SPATA13: variants seen among roughly 807,000 people sequenced by gnomAD.
SPATA13 encodes the protein spermatogenesis-associated protein 13.
Under a neutral mutation model 104.0 loss-of-function variants are expected in SPATA13, and 50 were observed. That is an observed-to-expected ratio of 0.48 (90% CI 0.38 to 0.61). The LOEUF (loss-of-function observed/expected upper bound fraction) is 0.61. Ranked by LOEUF, SPATA13 falls within the 20% of genes least tolerant of loss-of-function variation. The probability of loss-of-function intolerance (pLI) is 0.00; values close to 1 mark genes in which losing one functional copy is unlikely to be tolerated. For missense variants in SPATA13, 1,524 were observed against 1,690.6 expected (o/e 0.90, Z 1.73); for synonymous variants, 606 against 667.5 (o/e 0.91, Z 1.42).
Position 24,161,971 on chromosome 13 carries a change from C to A in SPATA13, c.-112+1039C>A, listed in dbSNP as rs888446282. ...TGCTAACAGGCGGAGAAATCTCACT[C>A]CTTTTCTTTTTCCACCTTTCCCAAC... On this transcript the variant is annotated intron_variant, in intron 1 of 12. Coordinates refer to ENST00000382108, the MANE Select transcript of SPATA13 (RefSeq NM_001166271.3). This position sits in a 1 kb window ranked among gnomAD's most constrained non-coding sequence, Gnocchi z 4.5. Among the ~76,000 whole-genome samples the A allele has an allele frequency of 6.6e-6, 1 of 152,056 alleles. No homozygotes were observed. Among genetic ancestry groups the A allele is most frequent in the African/African-American group, 2.4e-5 (1 of 41,392 alleles).
intron 3 of SPATA13, among the ~76,000 whole-genome samples, chr13:24,052,056 ACGCAGGGTT>A (rs1251269555): frequency 5.8e-4 from 23 of 39,424 alleles, no homozygotes; most frequent in Admixed American, 2.2e-3. Flanking sequence ...CTGTGTTTGG[ACGCAGGGTT>A]TGGCTTCTTA....
At chr13:24,293,449 G>A (rs1876544553) in intron 9 of SPATA13, among the ~76,000 whole-genome samples, 2 of 152,008 alleles carry the variant, frequency 1.3e-5, no homozygotes, top group African/African-American at 4.8e-5. Context: ...GGGAAAGCTG[G>A]GTCCAGAAGT....
intron 3 of SPATA13, among the ~76,000 whole-genome samples, chr13:24,107,682 A>G (rs952537511): frequency 3.9e-5 from 6 of 152,164 alleles, no homozygotes; most frequent in African/African-American, 1.4e-4. Context: ...TCTTCCCTGC[A>G]TTTTCAGTTT....
chr13:24,119,065 C>G (rs2137822211), intron 3 of SPATA13, among the ~76,000 whole-genome samples: 1 of 152,150 alleles, frequency 6.6e-6, no homozygotes, highest in South Asian at 2.1e-4. Flanking sequence ...GCCACCGCTC[C>G]CTGCTAATTT....
chr13:24,056,299 C>T (rs1482733470), intron 3 of SPATA13, among the ~76,000 whole-genome samples: 1 of 152,220 alleles, frequency 6.6e-6, no homozygotes, highest in Non-Finnish European at 1.5e-5. Flanking sequence ...CATTAGGACC[C>T]ATTTAGAGAT....
rs755957835 is a variant in SPATA13, at chr13:24,258,187, A to G, written c.2164+6325A>G. Among the ~76,000 whole-genome samples, 41 of 151,570 alleles carry G rather than the reference A, an allele frequency of 2.7e-4. 2 individuals are homozygous for G. Among genetic ancestry groups the G allele is most frequent in the African/African-American group, 8.0e-4 (33 of 41,156 alleles). On this transcript the variant is annotated intron_variant, in intron 4 of 12. Coordinates refer to ENST00000382108, the MANE Select transcript of SPATA13 (RefSeq NM_001166271.3). ...AAGATAGAGGTTGCAGTGAGCCTAC[A>G]TTGCGCCATGGCACTCCAGCCTGGG...
intron 3 of SPATA13, among the ~76,000 whole-genome samples, chr13:24,075,046 C>T (rs1249336542): frequency 6.6e-6 from 1 of 152,160 alleles, no homozygotes; most frequent in African/African-American, 2.4e-5. Context: ...ACCCTTAGGC[C>T]AAGGTTAGAA....
chr13:24,164,971 G>A (rs1426763519), intron 1 of SPATA13, among the ~76,000 whole-genome samples: 3 of 152,164 alleles, frequency 2.0e-5, no homozygotes, highest in African/African-American at 7.2e-5. Flanking sequence ...GGGAGCTGTG[G>A]CAACACCGCA....
chr13:24,168,355 G>A (rs1322449701), intron 1 of SPATA13, among the ~76,000 whole-genome samples: 1 of 152,232 alleles, frequency 6.6e-6, no homozygotes, highest in Non-Finnish European at 1.5e-5. Flanking sequence ...TTCATGTCTC[G>A]AGTTTATGAT....
At chr13:23,998,192 G>T (rs1353344173) in intron 2 of SPATA13, among the ~76,000 whole-genome samples, 1 of 152,200 alleles carries the variant, frequency 6.6e-6, no homozygotes, top group Non-Finnish European at 1.5e-5. Context: ...AGCAGTGAAT[G>T]TTCCCACCCT....
At chr13:24,213,181 C>T (rs1871116021) in intron 1 of SPATA13, among the ~76,000 whole-genome samples, 3 of 152,196 alleles carry the variant, frequency 2.0e-5, no homozygotes, top group African/African-American at 7.2e-5. Context: ...GTGATGAGAG[C>T]AGCTCAGAGA....
chr13:24,223,742 C>T lies in SPATA13; in HGVS notation c.813C>T (p.Thr271=), dbSNP rs1871750280. The part of the protein sequence containing the change: ...LKKSSFKRKS[T]SNLADLRTAH... ...AGAGCTCCTTTAAGCGGAAGTCCACCTCCAATCTTGCAGACCTCAGGACGG... is the reference window on the plus strand; with the variant it reads ...AGAGCTCCTTTAAGCGGAAGTCCACTTCCAATCTTGCAGACCTCAGGACGG... Residue 271 remains threonine (T), a synonymous_variant, in exon 2 of 13, where the codon ACC becomes ACT. Coordinates refer to ENST00000382108, the MANE Select transcript of SPATA13 (RefSeq NM_001166271.3). The T allele has an allele frequency of 1.9e-6, 3 of 1,551,992 alleles. No individual in the cohort carries two copies. Among genetic ancestry groups the T allele is most frequent in the African/African-American group, 1.4e-5 (1 of 73,186 alleles).
intron 1 of SPATA13, among the ~76,000 whole-genome samples, chr13:24,176,530 C>T (rs1170134796): frequency 1.3e-5 from 2 of 151,950 alleles, no homozygotes; most frequent in Non-Finnish European, 2.9e-5. Flanking sequence ...GTTATTTTCC[C>T]AGCAAACTAG....
intron 3 of SPATA13, among the ~76,000 whole-genome samples, chr13:24,086,415 G>T (rs1045434112): frequency 1.3e-5 from 2 of 152,074 alleles, no homozygotes; most frequent in African/African-American, 4.8e-5. Flanking sequence ...TGACAGCTGC[G>T]GTCGAAGAAG....
At chr13:24,123,431 C>T in intron 3 of SPATA13, 1 of 1,409,818 alleles carries the variant, frequency 7.1e-7, no homozygotes, top group Non-Finnish European at 1.0e-6. Context: ...GATTCTGCAA[C>T]ATGCATTCCA....
intron 3 of SPATA13, among the ~76,000 whole-genome samples, chr13:24,060,845 C>T (rs998764308): frequency 3.9e-5 from 6 of 152,132 alleles, no homozygotes; most frequent in Admixed American, 2.0e-4. Context: ...TTGAAATCAG[C>T]GTGGCCAACA....
intron 10 of SPATA13, 55 bp from the exon 11 acceptor site, chr13:24,297,308 G>A: frequency 6.5e-7 from 1 of 1,546,582 alleles, no homozygotes; most frequent in East Asian, 2.3e-5. Flanking sequence ...TAAGTAGCTA[G>A]GACTACAGCT....
chr13:24,282,167 G>GC lies in SPATA13; in HGVS notation c.2165-1968_2165-1967insC, dbSNP rs528306400. Among the ~76,000 whole-genome samples, 477 of 152,040 alleles carry GC rather than the reference G, an allele frequency of 3.1e-3. 6 individuals carry two copies. Among genetic ancestry groups the GC allele is most frequent in the African/African-American group, 0.011 (453 of 41,404 alleles). On this transcript the variant is annotated intron_variant, in intron 4 of 12. Coordinates refer to ENST00000382108, the MANE Select transcript of SPATA13 (RefSeq NM_001166271.3). ...GAGCAGGAGGCTAAGCATGATGGTG[G>GC]GGGGTGGGAGTCTGGGGCTGGACGT... is the stretch of plus-strand genomic sequence containing the variant.
chr13:24,249,709 C>T lies in SPATA13; in HGVS notation c.1886C>T (p.Ala629Val), dbSNP rs1338604553. 7 of 1,613,518 alleles carry T rather than the reference C, an allele frequency of 4.3e-6. No individual in the cohort carries two copies. In the South Asian group the frequency reaches 4.4e-5, roughly 10 times the overall value. Residue 629 changes from alanine (A) to valine (V), a missense_variant, in exon 3 of 13, where the codon GCC (alanine) becomes GTC (valine). Ala to Val is a moderately conservative substitution (Grantham distance 64). This residue lies in a region of SPATA13 where 1,089 missense variants were observed against 1,135.9 expected (regional missense o/e 0.96). Coordinates refer to ENST00000382108, the MANE Select transcript of SPATA13 (RefSeq NM_001166271.3). Reference protein sequence around the residue: ...DEDPQASMTSASPEDQNAPVG... With the variant: ...DEDPQASMTSVSPEDQNAPVG... ...GACCCCCAGGCAAGCATGACTTCTG[C>T]CAGCCCTGAAGACCAGAATGCTCCA...
Sources: gnomAD v4.1 joint callset for allele counts (sites outside exome capture counted in the v4.1 genomes callset) on GRCh38, gnomAD v4.1.1 for gene constraint, gnomAD v4.1.1 regional missense constraint, Gnocchi (gnomAD v3.1) non-coding constraint, MANE v1.5 for transcripts, NCBI Gene and HGNC (gene_info 2026-07-23, HGNC 2026-07-21) for gene names.